Variants in LAT2 observed in about 807,000 individuals in gnomAD.
LAT2 encodes linker for activation of T-cells family member 2.
A neutral mutation model predicts 43.4 loss-of-function variants in LAT2; 23 were observed. The observed-to-expected ratio is 0.53, with a 90% CI of 0.38 to 0.75. The LOEUF (loss-of-function observed/expected upper bound fraction) is 0.75, where lower values mean the gene tolerates loss of function less well. LAT2 is among the 30% of genes least tolerant of loss of function. The probability of loss-of-function intolerance (pLI) is 0.00; values close to 1 mark genes in which losing one functional copy is unlikely to be tolerated. For synonymous variants in LAT2, 128 were observed against 123.2 expected, an observed-to-expected ratio of 1.04 and a Z score of -0.26; for missense variants, 284 against 310.2, an observed-to-expected ratio of 0.92 and a Z score of 0.64.
intron 1 of LAT2, among the ~76,000 whole-genome samples, chr7:74,211,668 A>G (rs1801742676): frequency 6.6e-6 from 1 of 152,084 alleles, no homozygotes; most frequent in African/African-American, 2.4e-5. Context: ...CATGTTAGCC[A>G]GGATGGTCTC....
chr7:74,214,718 TAA>T (rs1270617261), intron 1 of LAT2, 102 bp from the exon 2 acceptor site: 33 of 101,068 alleles, frequency 3.3e-4, no homozygotes, highest in African/African-American at 1.4e-3. Context: ...TAAATATATA[TAA>T]AAATATAAAT....
intron 4 of LAT2, among the ~76,000 whole-genome samples, chr7:74,218,367 G>C (rs1174370741): frequency 6.6e-6 from 1 of 152,250 alleles, no homozygotes; most frequent in Middle Eastern, 3.4e-3. Flanking sequence ...TGGAAGGCTG[G>C]GCCAGGTACC....
In LAT2 at chr7:74,220,139, G is replaced by C; in HGVS notation, c.228-78G>C. The C allele has an allele frequency of 6.4e-7, 1 of 1,554,026 alleles. No individual in the cohort carries two copies. Among genetic ancestry groups the C allele is most frequent in the Non-Finnish European group, 8.8e-7 (1 of 1,139,706 alleles). ...GGGCTCAGCTATGAAGGCCCCACAA[G>C]GGGTATGGGGGGATGTGTCCTGGGG... On this transcript the variant is annotated intron_variant, in intron 6 of 13. Transcript: ENST00000460943. This position sits in a 1 kb window ranked among gnomAD's most constrained non-coding sequence, Gnocchi z 4.5.
Position 74,219,984 on chromosome 7 carries a change from C to T in LAT2, c.203C>T (p.Pro68Leu). ...YSLVGQAWPG[P>L]LADMAPTRKD... ...GTGGTCGGGCAGGCATGGCCAGGAC[C>T]CCTGGCGGACATGGCACCCACAAGG... is the stretch of plus-strand genomic sequence containing the variant. The change falls in exon 6 of 14, where the codon CCC becomes CTC. Residue 68 changes from proline to leucine, a missense_variant. Physicochemically the swap from Pro to Leu is moderately conservative, Grantham distance 98. Transcript: ENST00000460943. The T allele has an allele frequency of 4.3e-6, 7 of 1,613,646 alleles. No homozygotes were observed. The highest frequency in any genetic ancestry group is 5.9e-6 in the Non-Finnish European group (7 of 1,179,986).
At position 74,224,745 on chromosome 7, in the gene LAT2, C is replaced by T; in HGVS notation, c.*3C>T. 6.3e-7 allele frequency: 1 copy of T among 1,582,876 alleles called. No individual in the cohort carries two copies. The highest frequency in any genetic ancestry group is 2.3e-5 in the East Asian group (1 of 44,004). ...AGGTGGCAGCCACAGAAGCCTAGGG[C>T]AGACCAAGAAGAAAGGTACAGCCCC... On this transcript the variant is annotated 3_prime_UTR_variant, in exon 13 of 14. Coordinates refer to ENST00000460943, the MANE Select transcript of LAT2 (RefSeq NM_032464.3).
At position 74,214,766 on chromosome 7, in the gene LAT2, T is replaced by TATATAA. The variant is rs1563968689; in HGVS notation, c.-218-51_-218-50insAATATA. ...ATATATAAATATATATATATAAACA[T>TATATAA]ATATATATAAATATATATATATATA... On this transcript the variant is annotated intron_variant, in intron 1 of 13. Coordinates refer to ENST00000460943, the MANE Select transcript of LAT2 (RefSeq NM_032464.3). The TATATAA allele has an allele frequency of 8.5e-4, 44 of 51,676 alleles. 1 individual carries two copies. Among genetic ancestry groups the TATATAA allele is most frequent in the South Asian group, 1.7e-3 (2 of 1,154 alleles). 3.2% of individuals were successfully genotyped at this position (51,676 alleles called of 1,614,324 possible).
chr7:74,214,848 G>A lies in LAT2; in HGVS notation c.-192G>A, dbSNP rs1554714023. 7.7e-6 allele frequency: 1 copy of A among 130,028 alleles called. No homozygotes were observed. The highest frequency in any genetic ancestry group is 3.1e-5 in the African/African-American group (1 of 32,168). 8.1% of individuals were successfully genotyped at this position (130,028 alleles called of 1,614,324 possible). A position where few individuals can be genotyped will look rare whatever the true frequency, so the allele number is the denominator to read the frequency against. ...GATGGAATTTCACCGTGTTGCCTAG[G>A]CTGGTCTGGAGCTCTTGATCTCAAG... is the stretch of plus-strand genomic sequence containing the variant. On this transcript the variant is annotated 5_prime_UTR_variant, in exon 2 of 14. Transcript: ENST00000460943.
chr7:74,224,885 G>A lies in LAT2; in HGVS notation c.*18+125G>A, dbSNP rs139188668. The A allele has an allele frequency of 5.6e-4, 380 of 676,030 alleles. No homozygotes were observed. The African/African-American group carries it at 6.4e-3, about 11-fold the overall frequency. 41.9% of individuals were successfully genotyped at this position (676,030 alleles called of 1,614,324 possible). On this transcript the variant is annotated intron_variant, in intron 13 of 13. Transcript: ENST00000460943. Reference sequence around the variant, plus strand: ...GGGGCCATGGTGGGGGCTACAGGGTGCACCCATGGGTGCTCCAAGAGGGCA... The same window carrying A: ...GGGGCCATGGTGGGGGCTACAGGGTACACCCATGGGTGCTCCAAGAGGGCA...
chr7:74,220,644 G>A lies in LAT2; in HGVS notation c.301+25G>A, dbSNP rs765538945. On this transcript the variant is annotated intron_variant, in intron 8 of 13. Transcript: ENST00000460943. This position sits in a 1 kb window ranked among gnomAD's most constrained non-coding sequence, Gnocchi z 4.5. Reference sequence around the variant, plus strand: ...GGTAGGTAGGCTCCTGGAGAAAGGGGGAGGCCATGGTGGGGGCCACACCCA... The same window carrying A: ...GGTAGGTAGGCTCCTGGAGAAAGGGAGAGGCCATGGTGGGGGCCACACCCA... 1.2e-6 allele frequency: 2 copies of A among 1,613,990 alleles called. No individual in the cohort carries two copies. The highest frequency in any genetic ancestry group is 1.7e-6 in the Non-Finnish European group (2 of 1,179,952).
chr7:74,223,793 C>T lies in LAT2; in HGVS notation c.448+10C>T, dbSNP rs1802382033. Reference sequence around the variant, plus strand: ...AAAACCACAGAGACAGGTGAGGCTGCCCAGCCAGAGGCAGGCTGGGGCTGG... The same window carrying T: ...AAAACCACAGAGACAGGTGAGGCTGTCCAGCCAGAGGCAGGCTGGGGCTGG... On this transcript the variant is annotated intron_variant, in intron 11 of 13. Transcript: ENST00000460943. 16 of 1,613,198 alleles carry T rather than the reference C, an allele frequency of 9.9e-6. No individual in the cohort carries two copies. Among genetic ancestry groups the T allele is most frequent in the African/African-American group, 1.3e-5 (1 of 74,988 alleles).
chr7:74,220,768 C>A lies in LAT2; in HGVS notation c.332+34C>A. 1 of 1,464,178 alleles carries A rather than the reference C, an allele frequency of 6.8e-7. No individual in the cohort carries two copies. The highest frequency in any genetic ancestry group is 1.3e-5 in the South Asian group (1 of 75,746). 90.7% of individuals were successfully genotyped at this position (1,464,178 alleles called of 1,614,324 possible). On this transcript the variant is annotated intron_variant, in intron 9 of 13. Transcript: ENST00000460943. This position sits in a 1 kb window ranked among gnomAD's most constrained non-coding sequence, Gnocchi z 4.5. ...CCTTGATCCTGTCCCCCCTGCCTCGCCTCTCCCCCTGCCCCACCTCTCCCC... is the reference window on the plus strand; with the variant it reads ...CCTTGATCCTGTCCCCCCTGCCTCGACTCTCCCCCTGCCCCACCTCTCCCC...
rs369439460 is a variant in LAT2 at position 74,223,773 on chromosome 7, C to T, written c.438C>T (p.Thr146=). Residue 146 remains threonine (T), a synonymous_variant, in exon 11 of 14, where the codon ACC becomes ACT. Coordinates refer to ENST00000460943, the MANE Select transcript of LAT2 (RefSeq NM_032464.3). ...ATGTGCTCATTTGCAAGCAGAAAAC[C>T]ACAGAGACAGGTGAGGCTGCCCAGC... ...YENVLICKQK[T]TETGAQQEGI... is the part of the protein sequence containing the mutation. 3.7e-6 allele frequency: 6 copies of T among 1,613,788 alleles called. No homozygotes were observed. Among genetic ancestry groups the T allele is most frequent in the Non-Finnish European group, 5.1e-6 (6 of 1,179,944 alleles).
rs1802220333 is a variant in LAT2, at chr7:74,220,375, G to C, written c.265+121G>C. The C allele has an allele frequency of 2.3e-6, 3 of 1,306,272 alleles. No individual in the cohort carries two copies. The highest frequency in any genetic ancestry group is 1.5e-5 in the African/African-American group (1 of 68,642). 80.9% of individuals were successfully genotyped at this position (1,306,272 alleles called of 1,614,324 possible). A position where few individuals can be genotyped will look rare whatever the true frequency, so the allele number is the denominator to read the frequency against. On this transcript the variant is annotated intron_variant, in intron 7 of 13. Coordinates refer to ENST00000460943, the MANE Select transcript of LAT2 (RefSeq NM_032464.3). This position sits in a 1 kb window ranked among gnomAD's most constrained non-coding sequence, Gnocchi z 4.5. ...GCGGGGCCAGGCGAGGCCTCCCCAG[G>C]AGAGACACACAGGCTGGGGCAGGGC...
chr7:74,225,446 G>C (rs1554715989), intron 13 of LAT2: 2 of 152,276 alleles, frequency 1.3e-5, no homozygotes, highest in African/African-American at 4.8e-5. Flanking sequence ...GCAGGCACTC[G>C]GTCAATGCTG....
intron 1 of LAT2, among the ~76,000 whole-genome samples, chr7:74,213,654 A>G (rs551409811): frequency 3.3e-4 from 50 of 151,560 alleles, no homozygotes; most frequent in Admixed American, 7.2e-4. Flanking sequence ...CGAACTCCCG[A>G]CCTCGTGATC....
rs780193598 is a variant in LAT2 at position 74,213,613 on chromosome 7, T to C, written c.-218-1209T>C. 1.6e-4 allele frequency among the ~76,000 whole-genome samples: 25 copies of C among 151,568 alleles called. No individual in the cohort carries two copies. The East Asian group carries it at 3.3e-3, about 20-fold the overall frequency. ...CTAATTTTTGTATTTTTAGTAGAGA[T>C]GGGGTTTCACCATGTTGGTCAGGCT... On this transcript the variant is annotated intron_variant, in intron 1 of 13. Coordinates refer to ENST00000460943, the MANE Select transcript of LAT2 (RefSeq NM_032464.3).
intron 9 of LAT2, 55 bp from the exon 10 acceptor site, chr7:74,221,582 C>A: frequency 1.3e-6 from 2 of 1,493,750 alleles, no homozygotes; most frequent in South Asian, 2.3e-5. Context: ...ATGGAGCCCC[C>A]AACCCGATCT....
chr7:74,219,467 T>A (rs1343998735), intron 4 of LAT2, among the ~76,000 whole-genome samples: 3 of 152,158 alleles, frequency 2.0e-5, no homozygotes, highest in Non-Finnish European at 2.9e-5. Flanking sequence ...TGTGGCCCTG[T>A]TGAGGCCATG....
intron 1 of LAT2, among the ~76,000 whole-genome samples, chr7:74,212,839 G>A (rs1801775810): frequency 6.6e-6 from 1 of 152,204 alleles, no homozygotes; most frequent in South Asian, 2.1e-4. Flanking sequence ...GGGGTGACGT[G>A]GGTCGTGCCA....
Sources: allele counts gnomAD v4.1 joint callset (sites outside exome capture counted in the v4.1 genomes callset), GRCh38; gene constraint gnomAD v4.1.1; non-coding constraint Gnocchi (gnomAD v3.1); transcripts MANE v1.5; gene names NCBI Gene and HGNC (gene_info 2026-07-23, HGNC 2026-07-21).